SCMH1: variants seen among roughly 807,000 people sequenced by gnomAD.
The protein encoded by SCMH1 is Scm polycomb group protein homolog 1.
Under a neutral mutation model 70.8 loss-of-function variants are expected in SCMH1, and 37 were observed. The ratio of observed to expected loss-of-function variants is 0.52; its 90% confidence interval spans 0.40 to 0.69. The LOEUF (loss-of-function observed/expected upper bound fraction) is 0.69. SCMH1 is among the 30% of genes least tolerant of loss of function. The pLI, the probability that SCMH1 is intolerant of heterozygous loss-of-function variation, is 0.00. For synonymous variants in SCMH1, 292 were observed against 307.4 expected (o/e 0.95, Z 0.52); for missense variants, 607 against 827.3 (o/e 0.73, Z 3.27).
At chr1:41,091,999 C>G (rs1474893457) in intron 8 of SCMH1, among the ~76,000 whole-genome samples, 1 of 152,176 alleles carries the variant, frequency 6.6e-6, no homozygotes, top group Non-Finnish European at 1.5e-5. Context: ...CAATGACTTT[C>G]TTCACAGAAT....
chr1:41,125,120 C>T (rs1177091390), intron 6 of SCMH1, among the ~76,000 whole-genome samples: 1 of 152,118 alleles, frequency 6.6e-6, no homozygotes, highest in Non-Finnish European at 1.5e-5. Context: ...TCCTATTCCT[C>T]AGTATGTTTT....
intron 5 of SCMH1, 90 bp from the exon 6 acceptor site, chr1:41,143,202 G>A (rs1199540816): frequency 2.3e-6 from 2 of 884,676 alleles, no homozygotes; most frequent in Non-Finnish European, 3.6e-6. Context: ...AGCTGGGCCA[G>A]GGACAACCAA....
chr1:41,204,444 T>C (rs1214708945), intron 1 of SCMH1, among the ~76,000 whole-genome samples: 1 of 152,170 alleles, frequency 6.6e-6, no homozygotes, highest in Non-Finnish European at 1.5e-5. Context: ...CTGGCCCACA[T>C]AGTCCTGCAT....
chr1:41,174,690 T>C (rs1646998166), intron 2 of SCMH1, among the ~76,000 whole-genome samples: 1 of 152,220 alleles, frequency 6.6e-6, no homozygotes, highest in Non-Finnish European at 1.5e-5. Flanking sequence ...AAGTATTTTC[T>C]CCTTATTTCA....
chr1:41,153,120 T>C (rs977267372), intron 4 of SCMH1, among the ~76,000 whole-genome samples: 7 of 152,232 alleles, frequency 4.6e-5, no homozygotes, highest in African/African-American at 1.4e-4. Flanking sequence ...AATTTATTAT[T>C]CCATCCTTAC....
At chr1:41,104,459 C>A (rs1006470057) in intron 8 of SCMH1, among the ~76,000 whole-genome samples, 4 of 152,038 alleles carry the variant, frequency 2.6e-5, no homozygotes, top group Non-Finnish European at 4.4e-5. Flanking sequence ...ATTAAAGGCA[C>A]CAAAAAGTTA....
intron 1 of SCMH1, among the ~76,000 whole-genome samples, chr1:41,228,430 TA>T (rs1660674638): frequency 6.6e-6 from 1 of 152,064 alleles, no homozygotes; most frequent in Non-Finnish European, 1.5e-5. Flanking sequence ...TTACCACAAT[TA>T]AAAAATAATT....
chr1:41,234,357 T>C (rs1433856211), intron 1 of SCMH1, among the ~76,000 whole-genome samples: 1 of 151,464 alleles, frequency 6.6e-6, no homozygotes. Flanking sequence ...AGCACACACC[T>C]GTAATCCTAG....
intron 2 of SCMH1, among the ~76,000 whole-genome samples, chr1:41,175,524 A>C (rs376070939): frequency 1.3e-5 from 2 of 152,212 alleles, no homozygotes; most frequent in African/African-American, 4.8e-5. Context: ...TTACCTACCT[A>C]CACAGCTCCC....
chr1:41,129,807 G>T (rs1424247549), intron 6 of SCMH1, among the ~76,000 whole-genome samples: 1 of 152,058 alleles, frequency 6.6e-6, no homozygotes, highest in African/African-American at 2.4e-5. Context: ...TAAGAAAATA[G>T]TTGGGGGTCT....
intron 1 of SCMH1, among the ~76,000 whole-genome samples, chr1:41,223,146 T>C (rs556659939): frequency 6.6e-6 from 1 of 152,324 alleles, no homozygotes; most frequent in East Asian, 1.9e-4. Context: ...GCATATTCTA[T>C]CAATGGAATC....
At chr1:41,186,041 C>A in intron 2 of SCMH1, 80 bp downstream of exon 2, 1 of 1,472,854 alleles carries the variant, frequency 6.8e-7, no homozygotes, top group South Asian at 1.3e-5. Flanking sequence ...TCTAATTATT[C>A]GTGAGGAATT....
At chr1:41,048,546 G>A (rs184938736) in intron 11 of SCMH1, 144 bp downstream of exon 11, 28 of 724,250 alleles carry the variant, frequency 3.9e-5, no homozygotes, top group Admixed American at 3.1e-4. Flanking sequence ...CTCTTGGGGG[G>A]TTGGAGATGA....
chr1:41,228,915 A>C (rs750385961), intron 1 of SCMH1, among the ~76,000 whole-genome samples: 6 of 152,148 alleles, frequency 3.9e-5, no homozygotes, highest in Non-Finnish European at 7.4e-5. Flanking sequence ...AGATGACAGA[A>C]GCTTGGACCA....
At chr1:41,222,185 C>A (rs1659433522) in intron 1 of SCMH1, among the ~76,000 whole-genome samples, 2 of 149,926 alleles carry the variant, frequency 1.3e-5, no homozygotes, top group South Asian at 2.1e-4. Context: ...GAAAAGGAAA[C>A]AAGGGAAGGG....
chr1:41,228,610 C>T (rs2148888390), intron 1 of SCMH1, among the ~76,000 whole-genome samples: 1 of 151,514 alleles, frequency 6.6e-6, no homozygotes, highest in South Asian at 2.1e-4. Flanking sequence ...TGGTGAGACC[C>T]CATTTCTACA....
At chr1:41,084,472 A>T (rs1317098754) in intron 8 of SCMH1, among the ~76,000 whole-genome samples, 2 of 152,142 alleles carry the variant, frequency 1.3e-5, no homozygotes, top group Non-Finnish European at 2.9e-5. Context: ...AAAAGTCAGG[A>T]AATAACAGGT....
intron 1 of SCMH1, among the ~76,000 whole-genome samples, chr1:41,241,764 G>A (rs1663611663): frequency 1.3e-5 from 2 of 151,860 alleles, no homozygotes; most frequent in South Asian, 4.1e-4. Flanking sequence ...TCCCGTGCCG[G>A]GGCCCCCGGG....
chr1:41,164,069 C>T (rs1365932452), intron 2 of SCMH1, among the ~76,000 whole-genome samples: 5 of 152,132 alleles, frequency 3.3e-5, no homozygotes, highest in Non-Finnish European at 7.4e-5. Context: ...TACTTAATTT[C>T]TTGCCCAGCT....
Sources: allele counts gnomAD v4.1 joint callset (sites outside exome capture counted in the v4.1 genomes callset), GRCh38; gene constraint gnomAD v4.1.1; transcripts MANE v1.5; gene names NCBI Gene and HGNC (gene_info 2026-07-23, HGNC 2026-07-21).